The following LMBR1L variants were observed in gnomAD, a reference collection of about 807,000 sequenced individuals.
The protein encoded by LMBR1L is limb development membrane protein 1 like.
LMBR1L carries 47 observed loss-of-function variants against 67.3 expected under a neutral mutation model. That is an observed-to-expected ratio of 0.70 (90% CI 0.55 to 0.89). The LOEUF (loss-of-function observed/expected upper bound fraction) is 0.89. Among genes scored for constraint, LMBR1L ranks in the 40% least tolerant of loss-of-function variants. The pLI is 0.00. For synonymous variants in LMBR1L, 247 were observed against 250.3 expected, an observed-to-expected ratio of 0.99 and a Z score of 0.13; for missense variants, 533 against 599.2, an observed-to-expected ratio of 0.89 and a Z score of 1.15.
chr12:49,108,163 T>C (rs2121061546), intron 1 of LMBR1L, among the ~76,000 whole-genome samples: 1 of 152,162 alleles, frequency 6.6e-6, no homozygotes, highest in Non-Finnish European at 1.5e-5. Context: ...CTCAAGAGGC[T>C]GAGGCAGGAG....
chr12:49,098,169 T>TTTC, intron 15 of LMBR1L, 64 bp from the exon 16 acceptor site: 1 of 1,542,094 alleles, frequency 6.5e-7, no homozygotes, highest in Non-Finnish European at 8.8e-7. Context: ...CCAGCCCAAC[T>TTTC]TTCTGCTGCC....
At chr12:49,097,898 A>C (rs762957800) in intron 16 of LMBR1L, 46 bp downstream of exon 16, 24 of 1,596,738 alleles carry the variant, frequency 1.5e-5, no homozygotes, top group Non-Finnish European at 8.6e-6. Flanking sequence ...AGAGTGTCCT[A>C]GATGATTACC....
chr12:49,105,047 C>T (rs1174137605), intron 3 of LMBR1L, 162 bp from the exon 4 acceptor site: 11 of 725,544 alleles, frequency 1.5e-5, no homozygotes, highest in South Asian at 1.5e-4. Context: ...CCCACTGCCA[C>T]CCCACCCTAG....
At chr12:49,106,427 G>A in intron 2 of LMBR1L, 3 of 474,574 alleles carry the variant, frequency 6.3e-6, no homozygotes, top group South Asian at 5.2e-5. Context: ...GAGGAGGAAA[G>A]GCTGGAGCTA....
chr12:49,100,561 T>A lies in LMBR1L; in HGVS notation c.1168A>T (p.Thr390Ser), dbSNP rs1162869875. The A allele has an allele frequency of 2.5e-6, 4 of 1,613,898 alleles. No individual in the cohort carries two copies. In the Admixed American group the frequency reaches 5.0e-5, roughly 20 times the overall value. ...CCTTACTCCCTCCCAGCTACCTGCG[T>A]CATGGCAGTGTCGTGCCATCTGGGC... ...LRPRWHDTAM[T>S]QIIGNCVCLL... Residue 390 changes from threonine (T) to serine (S), a missense_variant, in exon 14 of 17, where the codon ACG (threonine) becomes TCG (serine). By Grantham distance (58) the Thr-to-Ser change is moderately conservative. Around this residue, in one of 3 missense-constraint regions of LMBR1L, gnomAD observed 223 missense variants for 241.2 expected, o/e 0.92. Coordinates refer to ENST00000267102, the MANE Select transcript of LMBR1L (RefSeq NM_018113.4).
intron 15 of LMBR1L, among the ~76,000 whole-genome samples, chr12:49,098,863 T>C (rs1017092197): frequency 1.3e-5 from 2 of 152,174 alleles, no homozygotes; most frequent in African/African-American, 4.8e-5. Flanking sequence ...GTTGCCCAGG[T>C]TGGAGTGCAG....
chr12:49,099,525 G>T (rs971755620), intron 15 of LMBR1L, among the ~76,000 whole-genome samples: 12 of 151,852 alleles, frequency 7.9e-5, no homozygotes, highest in Admixed American at 3.3e-4. Context: ...TAGGAGGGCG[G>T]CTGTTACCTC....
chr12:49,103,183 G>A (rs1482089529), intron 6 of LMBR1L, 24 bp from the exon 7 acceptor site: 6 of 1,598,892 alleles, frequency 3.8e-6, no homozygotes, highest in African/African-American at 1.3e-5. Flanking sequence ...AAAGAGGCAT[G>A]TCAGCTCATC....
At position 49,104,837 on chromosome 12, in the gene LMBR1L, C is replaced by A; in HGVS notation, c.240G>T (p.Leu80=). The A allele has an allele frequency of 1.2e-6, 2 of 1,613,686 alleles. No individual in the cohort carries two copies. The highest frequency in any genetic ancestry group is 1.7e-6 in the Non-Finnish European group (2 of 1,179,848). The change falls in exon 4 of 17, where the codon CTG becomes CTT. Residue 80 remains leucine, a synonymous_variant. Coordinates refer to ENST00000267102, the MANE Select transcript of LMBR1L (RefSeq NM_018113.4). ...FTLAIALGAV[L]LLPFSIISNE... is the part of the protein sequence containing the mutation. ...TGCTGATGATGGAGAAGGGCAGGAGCAGGACAGCACCCAGGGCAATTGCCA... is the reference window on the plus strand; with the variant it reads ...TGCTGATGATGGAGAAGGGCAGGAGAAGGACAGCACCCAGGGCAATTGCCA...
chr12:49,098,179 C>G lies in LMBR1L; in HGVS notation c.1241-74G>C, dbSNP rs1479302667. 9 of 1,497,056 alleles carry G rather than the reference C, an allele frequency of 6.0e-6. No individual in the cohort carries two copies. In the Admixed American group the frequency reaches 1.1e-4, roughly 19 times the overall value. The allele number at this position is 1,497,056 out of a possible 1,614,324, so 92.7% of individuals were successfully genotyped here. On this transcript the variant is annotated intron_variant, in intron 15 of 16. Transcript: ENST00000267102. ...TGCTACCAGCCCAACTTTCTGCTGC[C>G]TCCTGGTGGCCACATTTCAACACTG...
intron 1 of LMBR1L, 111 bp downstream of exon 1, chr12:49,110,373 C>T: frequency 2.8e-6 from 3 of 1,068,226 alleles, no homozygotes; most frequent in Middle Eastern, 2.6e-4. Flanking sequence ...CTCCGTCGCC[C>T]GCCGCTGGCC....
At chr12:49,109,767 T>C in intron 1 of LMBR1L, 1 of 456,286 alleles carries the variant, frequency 2.2e-6, no homozygotes, top group Non-Finnish European at 4.4e-6. Context: ...AAGGTTCAGT[T>C]GTCGCTCTAA....
intron 8 of LMBR1L, 70 bp from the exon 9 acceptor site, chr12:49,102,610 G>C: frequency 6.7e-7 from 1 of 1,482,916 alleles, no homozygotes; most frequent in Non-Finnish European, 9.4e-7. Flanking sequence ...GGAGAACCCT[G>C]TTCTTCCCAG....
At chr12:49,098,540 C>T (rs939414343) in intron 15 of LMBR1L, among the ~76,000 whole-genome samples, 1 of 152,218 alleles carries the variant, frequency 6.6e-6, no homozygotes, top group Non-Finnish European at 1.5e-5. Flanking sequence ...CTTAAATTTT[C>T]TGTGCCTCAG....
rs1176858531 is a variant in LMBR1L at position 49,110,816 on chromosome 12, T to G, written c.-261A>C. On this transcript the variant is annotated 5_prime_UTR_variant, in exon 1 of 17. Transcript: ENST00000267102. Reference sequence around the variant, plus strand: ...TTTAAGGTCGGGTCGCGCTCACGTTTCAATGCAAACACCCGCCACTAGGCT... The same window carrying G: ...TTTAAGGTCGGGTCGCGCTCACGTTGCAATGCAAACACCCGCCACTAGGCT... The G allele has an allele frequency of 4.0e-6, 2 of 500,664 alleles. No individual in the cohort carries two copies. The highest frequency in any genetic ancestry group is 3.4e-5 in the Admixed American group (1 of 29,730). 31.0% of individuals were successfully genotyped at this position (500,664 alleles called of 1,614,324 possible).
intron 1 of LMBR1L, 70 bp from the exon 2 acceptor site, chr12:49,107,115 CTG>C: frequency 1.0e-6 from 1 of 999,270 alleles, no homozygotes; most frequent in Non-Finnish European, 1.6e-6. Flanking sequence ...AAGGGCCTCT[CTG>C]TTAATTCCAG....
At chr12:49,107,701 C>A (rs543904331) in intron 1 of LMBR1L, among the ~76,000 whole-genome samples, 1 of 152,340 alleles carries the variant, frequency 6.6e-6, no homozygotes, top group East Asian at 1.9e-4. Context: ...GTTTCTAGAG[C>A]TGGCTGGACT....
Position 49,110,500 on chromosome 12 carries a change from C to A in LMBR1L, c.56G>T (p.Arg19Met). ...LSVREQLFHERIRECIISTLL... is the reference protein window; with the variant it reads ...LSVREQLFHEMIRECIISTLL... ...CGCACTCACAATACACTCGCGGATC[C>A]TCTCGTGGAATAGCTGTTCTCGCAC... Residue 19 changes from arginine (R) to methionine (M), a missense_variant, in exon 1 of 17, where the codon AGG (arginine) becomes ATG (methionine). Coordinates refer to ENST00000267102, the MANE Select transcript of LMBR1L (RefSeq NM_018113.4). 6.2e-7 allele frequency: 1 copy of A among 1,614,072 alleles called. No homozygotes were observed. Among genetic ancestry groups the A allele is most frequent in the African/African-American group, 1.3e-5 (1 of 75,046 alleles).
Position 49,099,489 on chromosome 12 carries a change from A to C in LMBR1L, c.1240+899T>G, listed in dbSNP as rs187295379. Among the ~76,000 whole-genome samples, 123 of 152,004 alleles carry C rather than the reference A, an allele frequency of 8.1e-4. 1 individual carries two copies. The highest frequency in any genetic ancestry group is 7.0e-3 in the Admixed American group (107 of 15,284). On this transcript the variant is annotated intron_variant, in intron 15 of 16. Transcript: ENST00000267102. Reference sequence around the variant, plus strand: ...ATATGAAATCACATATAAAATACAGAGGATGATGTGGTATTTAGGGGGAGG... The same window carrying C: ...ATATGAAATCACATATAAAATACAGCGGATGATGTGGTATTTAGGGGGAGG...
Sources: gnomAD v4.1 joint callset for allele counts (sites outside exome capture counted in the v4.1 genomes callset) on GRCh38, gnomAD v4.1.1 for gene constraint, gnomAD v4.1.1 regional missense constraint, MANE v1.5 for transcripts, NCBI Gene and HGNC (gene_info 2026-07-23, HGNC 2026-07-21) for gene names.